NRG3: variants seen among roughly 807,000 people sequenced by gnomAD.
NRG3 encodes pro-neuregulin-3, membrane-bound isoform.
NRG3 carries 31 observed loss-of-function variants against 66.9 expected under a neutral mutation model. The ratio of observed to expected loss-of-function variants is 0.46; its 90% CI spans 0.35 to 0.63. NRG3 has a LOEUF of 0.63. Among genes scored for constraint, NRG3 ranks in the 20% least tolerant of loss-of-function variants. The pLI is 0.00. For synonymous variants in NRG3, 393 were observed against 359.4 expected (o/e 1.09, Z -1.06); for missense variants, 910 against 878.9 (o/e 1.04, Z -0.45).
At chr10:82,328,815 G>A (rs2081996159) in intron 1 of NRG3, among the ~76,000 whole-genome samples, 1 of 152,196 alleles carries the variant, frequency 6.6e-6, no homozygotes, top group African/African-American at 2.4e-5. Flanking sequence ...AGGGGAAGAT[G>A]TAGGAGCATA....
At chr10:82,924,105 A>G (rs1398677101) in intron 4 of NRG3, among the ~76,000 whole-genome samples, 3 of 151,408 alleles carry the variant, frequency 2.0e-5, no homozygotes, top group African/African-American at 4.8e-5. Context: ...AAAAAAAAAA[A>G]AAAAGGTAGA....
chr10:82,821,156 T>C (rs1173320110), intron 3 of NRG3, among the ~76,000 whole-genome samples: 2 of 152,206 alleles, frequency 1.3e-5, no homozygotes, highest in Non-Finnish European at 2.9e-5. Context: ...TTAACTCACC[T>C]GAGCAAAGGC....
chr10:82,962,627 T>C (rs996250238), intron 6 of NRG3, among the ~76,000 whole-genome samples: 1 of 152,040 alleles, frequency 6.6e-6, no homozygotes, highest in Non-Finnish European at 1.5e-5. Flanking sequence ...TCACCTGAGG[T>C]CGGGAGTTCA....
intron 1 of NRG3, among the ~76,000 whole-genome samples, chr10:82,345,422 T>A (rs2082947256): frequency 6.6e-6 from 1 of 151,958 alleles, no homozygotes; most frequent in Admixed American, 6.6e-5. Context: ...CATTGATCTA[T>A]ATCTCTGTTT....
At chr10:82,152,814 CTCTCTTTTTCTTTCTCTT>C (rs1219024736) in intron 1 of NRG3, among the ~76,000 whole-genome samples, 9 of 150,422 alleles carry the variant, frequency 6.0e-5, no homozygotes, top group East Asian at 4.0e-4. Flanking sequence ...TCCCCTCTCT[CTCTCTTTTTCTTTCTCTT>C]TCTCTTTTTC....
chr10:82,433,338 T>C (rs2089943876), intron 2 of NRG3, among the ~76,000 whole-genome samples: 1 of 152,188 alleles, frequency 6.6e-6, no homozygotes, highest in Non-Finnish European at 1.5e-5. Context: ...TAAATATGTT[T>C]AAGTTCCTTG....
chr10:82,835,108 G>A (rs2135706030), intron 3 of NRG3, among the ~76,000 whole-genome samples: 1 of 152,300 alleles, frequency 6.6e-6, no homozygotes, highest in South Asian at 2.1e-4. Flanking sequence ...CTGGTTTCCT[G>A]AGAGCTGCCT....
chr10:82,309,466 CAA>C (rs774666582), intron 1 of NRG3, among the ~76,000 whole-genome samples: 9 of 139,114 alleles, frequency 6.5e-5, no homozygotes, highest in African/African-American at 1.8e-4. Flanking sequence ...CTTTGCATTA[CAA>C]AAAAAAAAAA....
chr10:81,889,488 A>T lies in NRG3; in HGVS notation c.823+13325A>T, dbSNP rs562152817. ...GCAGCTAAAATTAGTGGAGTCACCC[A>T]CGTTTTTCACCCTAAAGAAGAACCT... On this transcript the variant is annotated intron_variant, in intron 1 of 8. Transcript: ENST00000372141. The T allele has an allele frequency of 2.9e-4, 44 of 152,294 alleles. 1 individual carries two copies. Among genetic ancestry groups the T allele is most frequent in the African/African-American group, 1.1e-3 (44 of 41,562 alleles). 9.4% of individuals were successfully genotyped at this position (152,294 alleles called of 1,614,324 possible).
At chr10:82,173,394 A>C (rs1445036655) in intron 1 of NRG3, among the ~76,000 whole-genome samples, 1 of 152,120 alleles carries the variant, frequency 6.6e-6, no homozygotes, top group Non-Finnish European at 1.5e-5. Flanking sequence ...ACACGCACAC[A>C]TGCTGATGTA....
At chr10:82,752,184 ATATTT>A (rs1193325664) in intron 3 of NRG3, among the ~76,000 whole-genome samples, 1 of 152,206 alleles carries the variant, frequency 6.6e-6, no homozygotes, top group Non-Finnish European at 1.5e-5. Context: ...CAGTAACAGT[ATATTT>A]TATTTTATTT....
At chr10:82,488,340 A>G (rs907373495) in intron 2 of NRG3, among the ~76,000 whole-genome samples, 4 of 152,214 alleles carry the variant, frequency 2.6e-5, no homozygotes. Context: ...GAGGACACGT[A>G]GTTTGCCAAA....
At chr10:82,891,068 C>T (rs2136121850) in intron 4 of NRG3, among the ~76,000 whole-genome samples, 1 of 152,064 alleles carries the variant, frequency 6.6e-6, no homozygotes, top group Non-Finnish European at 1.5e-5. Flanking sequence ...AGTAAACCAA[C>T]ATTATACTTT....
intron 3 of NRG3, among the ~76,000 whole-genome samples, chr10:82,826,287 A>G (rs535187456): frequency 8.5e-5 from 13 of 152,320 alleles, no homozygotes; most frequent in African/African-American, 2.9e-4. Context: ...TGAATCAGCT[A>G]TGACTCCATT....
chr10:82,875,018 T>C (rs1377903334), intron 4 of NRG3, among the ~76,000 whole-genome samples: 1 of 152,236 alleles, frequency 6.6e-6, no homozygotes, highest in African/African-American at 2.4e-5. Flanking sequence ...TTTATAGCTA[T>C]ATATTCAGAA....
chr10:82,671,052 C>T (rs1044752088), intron 2 of NRG3, among the ~76,000 whole-genome samples: 1 of 152,176 alleles, frequency 6.6e-6, no homozygotes, highest in Admixed American at 6.5e-5. Context: ...TGGAAGGCAG[C>T]TGTGACAATG....
At chr10:82,853,820 A>T in intron 3 of NRG3, among the ~76,000 whole-genome samples, 1 of 151,954 alleles carries the variant, frequency 6.6e-6, no homozygotes, top group Non-Finnish European at 1.5e-5. Flanking sequence ...TCTGGTTAGG[A>T]CTTCCCATAT....
intron 3 of NRG3, among the ~76,000 whole-genome samples, chr10:82,784,758 G>A (rs1207061659): frequency 2.6e-5 from 4 of 151,928 alleles, no homozygotes; most frequent in East Asian, 3.9e-4. Context: ...CTGTTGGTGG[G>A]ACTGTAAACT....
intron 2 of NRG3, among the ~76,000 whole-genome samples, chr10:82,387,097 G>A (rs973830073): frequency 1.3e-5 from 2 of 152,188 alleles, no homozygotes; most frequent in Non-Finnish European, 2.9e-5. Context: ...ACCGCACCCA[G>A]CCTTGACAGG....
Sources: gnomAD v4.1 joint callset for allele counts (sites outside exome capture counted in the v4.1 genomes callset) on GRCh38, gnomAD v4.1.1 for gene constraint, MANE v1.5 for transcripts, NCBI Gene and HGNC (gene_info 2026-07-23, HGNC 2026-07-21) for gene names.